The following FAM117B variants were observed in gnomAD, a reference collection of about 807,000 sequenced individuals.
FAM117B encodes protein FAM117B.
FAM117B carries 22 observed loss-of-function variants against 52.8 expected under a neutral mutation model. The ratio of observed to expected loss-of-function variants is 0.42; its 90% CI spans 0.30 to 0.59. The LOEUF is 0.59. Among genes scored for constraint, FAM117B ranks in the 20% least tolerant of loss-of-function variants. The pLI, the probability that FAM117B is intolerant of heterozygous loss-of-function variation, is 0.22. For synonymous variants in FAM117B, 309 were observed against 324.1 expected, an observed-to-expected ratio of 0.95 and a Z score of 0.50; for missense variants, 678 against 802.6, an observed-to-expected ratio of 0.84 and a Z score of 1.88.
chr2:202,715,012 A>G (rs2105783461), intron 2 of FAM117B, among the ~76,000 whole-genome samples: 1 of 152,212 alleles, frequency 6.6e-6, no homozygotes, highest in African/African-American at 2.4e-5. Context: ...CAAAACTGCC[A>G]TTGTCATCAT....
At chr2:202,674,467 G>A (rs1164322811) in intron 1 of FAM117B, among the ~76,000 whole-genome samples, 1 of 152,192 alleles carries the variant, frequency 6.6e-6, no homozygotes, top group Non-Finnish European at 1.5e-5. Flanking sequence ...CGTCTGGATG[G>A]TTTCCAATTC....
intron 1 of FAM117B, among the ~76,000 whole-genome samples, chr2:202,653,791 A>ATT (rs201147201): frequency 6.6e-6 from 1 of 151,388 alleles, no homozygotes; most frequent in Non-Finnish European, 1.5e-5. Context: ...ACCAAAAAAG[A>ATT]TTTTTTTTTG....
chr2:202,646,955 C>T (rs939878169), intron 1 of FAM117B, among the ~76,000 whole-genome samples: 4 of 152,074 alleles, frequency 2.6e-5, no homozygotes, highest in African/African-American at 7.2e-5. Context: ...GCTTTTAAGA[C>T]TAAACATGTT....
chr2:202,695,859 A>G (rs1281605756), intron 1 of FAM117B, 22 bp from the exon 2 acceptor site: 7 of 1,552,832 alleles, frequency 4.5e-6, no homozygotes, highest in Non-Finnish European at 6.1e-6. Context: ...TATTAAAACA[A>G]GCATTTTTGT....
At chr2:202,723,472 A>C (rs1395288412) in intron 2 of FAM117B, among the ~76,000 whole-genome samples, 1 of 152,154 alleles carries the variant, frequency 6.6e-6, no homozygotes, top group Non-Finnish European at 1.5e-5. Flanking sequence ...TAATTTACAC[A>C]CACATGCATT....
intron 3 of FAM117B, 60 bp downstream of exon 3, chr2:202,725,069 C>T: frequency 7.6e-7 from 1 of 1,319,778 alleles, no homozygotes; most frequent in South Asian, 1.3e-5. Context: ...TTGGCTATTT[C>T]CTTGATATTA....
chr2:202,761,747 G>A (rs942253220), intron 7 of FAM117B, among the ~76,000 whole-genome samples: 1 of 151,898 alleles, frequency 6.6e-6, no homozygotes, highest in Admixed American at 6.6e-5. Flanking sequence ...GGCTAGTCTC[G>A]AACTCCTGAC....
intron 4 of FAM117B, among the ~76,000 whole-genome samples, chr2:202,740,371 A>T (rs527412069): frequency 2.0e-5 from 3 of 150,004 alleles, no homozygotes; most frequent in African/African-American, 7.4e-5. Flanking sequence ...AAAAAAAAAA[A>T]AAAAAAAAAG....
chr2:202,732,284 G>A (rs568764357), intron 4 of FAM117B, among the ~76,000 whole-genome samples: 1 of 152,146 alleles, frequency 6.6e-6, no homozygotes, highest in Non-Finnish European at 1.5e-5. Context: ...ATTGCCAAAT[G>A]GCCCGGCACT....
At chr2:202,716,807 T>A (rs1691064746) in intron 2 of FAM117B, among the ~76,000 whole-genome samples, 1 of 152,226 alleles carries the variant, frequency 6.6e-6, no homozygotes, top group Admixed American at 6.5e-5. Context: ...ACTAAAAGAC[T>A]CTAATGCATT....
rs1691812807 is a variant in FAM117B at position 202,757,196 on chromosome 2, T to C, written c.1105-17T>C. 1 of 1,611,210 alleles carries C rather than the reference T, an allele frequency of 6.2e-7. No individual in the cohort carries two copies. The highest frequency in any genetic ancestry group is 8.5e-7 in the Non-Finnish European group (1 of 1,178,132). On this transcript the variant is annotated splice_polypyrimidine_tract_variant and intron_variant, in intron 5 of 7. Transcript: ENST00000392238. ...ATTAATTATAAATATACCTATGTTTTTACAATTTTGTAACAGCCGCAAGAT... is the reference window on the plus strand; with the variant it reads ...ATTAATTATAAATATACCTATGTTTCTACAATTTTGTAACAGCCGCAAGAT...
At chr2:202,692,718 A>G (rs1051735450) in intron 1 of FAM117B, among the ~76,000 whole-genome samples, 1 of 152,210 alleles carries the variant, frequency 6.6e-6, no homozygotes, top group South Asian at 2.1e-4. Context: ...CTTTTCACCC[A>G]GACAAGAGAT....
At chr2:202,721,946 A>G (rs888425721) in intron 2 of FAM117B, among the ~76,000 whole-genome samples, 3 of 151,812 alleles carry the variant, frequency 2.0e-5, no homozygotes, top group African/African-American at 7.3e-5. Flanking sequence ...CTGGCCTGAC[A>G]TTATTCTTAT....
intron 4 of FAM117B, among the ~76,000 whole-genome samples, chr2:202,733,804 A>G (rs897155086): frequency 2.7e-4 from 41 of 152,192 alleles, no homozygotes; most frequent in Non-Finnish European, 4.1e-4. Context: ...TGTACAATCA[A>G]TTTGTACAAT....
At chr2:202,682,800 C>T (rs1183985029) in intron 1 of FAM117B, among the ~76,000 whole-genome samples, 1 of 152,042 alleles carries the variant, frequency 6.6e-6, no homozygotes, top group African/African-American at 2.4e-5. Context: ...CTAAATAATC[C>T]ATGGGTCAAA....
chr2:202,655,714 GAGAGAGAGAGAGAGAGA>G (rs1242810163), intron 1 of FAM117B, among the ~76,000 whole-genome samples: 1 of 30,412 alleles, frequency 3.3e-5, no homozygotes, highest in Non-Finnish European at 6.3e-5. Flanking sequence ...GAGTGAGAGA[GAGAGAGAGAGAGAGAGA>G]GAGAGAGAGA....
intron 4 of FAM117B, among the ~76,000 whole-genome samples, chr2:202,751,641 G>A (rs758907565): frequency 4.0e-5 from 6 of 151,486 alleles, no homozygotes; most frequent in Admixed American, 2.0e-4. Context: ...GCGTTGTCGC[G>A]GGTGCCTGTA....
intron 1 of FAM117B, among the ~76,000 whole-genome samples, chr2:202,667,271 T>A (rs1373516652): frequency 6.6e-6 from 1 of 151,818 alleles, no homozygotes; most frequent in Non-Finnish European, 1.5e-5. Context: ...TGGCTAATTA[T>A]CATATTTTTA....
Position 202,725,027 on chromosome 2 carries a change from A to G in FAM117B, c.846+18A>G, listed in dbSNP as rs1691216836. ...TTAAGGAGGTCAGAAAAATGGTTCT[A>G]AGATAGTGGGTGTGGAAATATGATC... On this transcript the variant is annotated intron_variant, in intron 3 of 7. Transcript: ENST00000392238. 8 of 1,585,546 alleles carry G rather than the reference A, an allele frequency of 5.0e-6. No homozygotes were observed. In the South Asian group the frequency reaches 9.0e-5, roughly 18 times the overall value.
Sources: gnomAD v4.1 joint callset for allele counts (sites outside exome capture counted in the v4.1 genomes callset) on GRCh38, gnomAD v4.1.1 for gene constraint, MANE v1.5 for transcripts, NCBI Gene and HGNC (gene_info 2026-07-23, HGNC 2026-07-21) for gene names.